The following GRIN2B variants were observed in gnomAD, a reference collection of about 807,000 sequenced individuals.
GRIN2B encodes glutamate ionotropic receptor NMDA type subunit 2B.
In GRIN2B, 5 loss-of-function variants were observed where a neutral mutation model predicts 114.5. The ratio of observed to expected loss-of-function variants is 0.04; its 90% CI spans 0.02 to 0.09. The LOEUF (loss-of-function observed/expected upper bound fraction) is 0.09, where lower values mean the gene tolerates loss of function less well. Among genes scored for constraint, GRIN2B ranks in the 10% least tolerant of loss-of-function variants. GRIN2B has a pLI of 1.00. For missense variants in GRIN2B, 1,108 were observed against 1,943.5 expected (o/e 0.57, Z 8.08); for synonymous variants, 787 against 745.1 (o/e 1.06, Z -0.92).
chr12:13,912,010 C>G (rs986978908), intron 2 of GRIN2B, among the ~76,000 whole-genome samples: 1 of 152,110 alleles, frequency 6.6e-6, no homozygotes, highest in Non-Finnish European at 1.5e-5. Context: ...CTAGTGCGCA[C>G]AAATTAACCA....
chr12:13,871,524 TAC>T (rs1482041980), intron 2 of GRIN2B, among the ~76,000 whole-genome samples: 2 of 151,660 alleles, frequency 1.3e-5, no homozygotes, highest in African/African-American at 4.8e-5. Flanking sequence ...CAGAGAAAAA[TAC>T]ACTTTTAAAT....
intron 10 of GRIN2B, among the ~76,000 whole-genome samples, chr12:13,591,843 T>G (rs530737476): frequency 6.6e-6 from 1 of 152,336 alleles, no homozygotes; most frequent in Non-Finnish European, 1.5e-5. Context: ...TCCTCAATAG[T>G]TCATTTATAA....
At chr12:13,913,295 G>A (rs1866655666) in intron 2 of GRIN2B, among the ~76,000 whole-genome samples, 1 of 152,118 alleles carries the variant, frequency 6.6e-6, no homozygotes, top group South Asian at 2.1e-4. Flanking sequence ...TGCCCTTCCT[G>A]TACTCACCCT....
chr12:13,970,634 A>G (rs571453069), intron 2 of GRIN2B, among the ~76,000 whole-genome samples: 1 of 151,948 alleles, frequency 6.6e-6, no homozygotes, highest in East Asian at 1.9e-4. Flanking sequence ...TCACTTTAAC[A>G]AATTTGATCA....
intron 3 of GRIN2B, among the ~76,000 whole-genome samples, chr12:13,783,013 A>G (rs573261377): frequency 1.3e-5 from 2 of 152,328 alleles, no homozygotes; most frequent in Middle Eastern, 3.4e-3. Flanking sequence ...CTTCCCCCCA[A>G]AAAACCTAGA....
intron 4 of GRIN2B, among the ~76,000 whole-genome samples, chr12:13,739,374 C>CAAAAAAAAA (rs34320563): frequency 1.2e-3 from 69 of 59,350 alleles, no homozygotes; most frequent in Non-Finnish European, 1.3e-3. Flanking sequence ...AACTCCGTCT[C>CAAAAAAAAA]AAAAAAAAAA....
intron 10 of GRIN2B, among the ~76,000 whole-genome samples, chr12:13,592,515 CA>C (rs1390728281): frequency 2.6e-5 from 4 of 152,186 alleles, no homozygotes; most frequent in Non-Finnish European, 5.9e-5. Context: ...TCTTTACCCA[CA>C]ACTGTCTTGG....
chr12:13,758,833 T>C (rs954820282), intron 3 of GRIN2B, among the ~76,000 whole-genome samples: 5 of 152,166 alleles, frequency 3.3e-5, no homozygotes, highest in African/African-American at 1.2e-4. Context: ...TTGCCTTATC[T>C]GACTAAAAAT....
intron 3 of GRIN2B, among the ~76,000 whole-genome samples, chr12:13,849,822 G>A (rs1381931692): frequency 6.6e-6 from 1 of 152,164 alleles, no homozygotes; most frequent in Non-Finnish European, 1.5e-5. Flanking sequence ...CCAGTCATGA[G>A]GGGTGGAAAC....
chr12:13,543,609 C>T lies in GRIN2B; in HGVS notation c.*19174G>A, dbSNP rs1948309487. On this transcript the variant is annotated 3_prime_UTR_variant, in exon 14 of 14. Coordinates refer to ENST00000609686, the MANE Select transcript of GRIN2B (RefSeq NM_000834.5). ...CTTTAAACTCATAATCATAAAAACT[C>T]AAATAATTCCTTTATGCCCCCTAGC... 6.6e-6 allele frequency: 1 copy of T among 152,172 alleles called. No homozygotes were observed. The highest frequency in any genetic ancestry group is 1.5e-5 in the Non-Finnish European group (1 of 68,030). 9.4% of individuals were successfully genotyped at this position (152,172 alleles called of 1,614,324 possible). A position where few individuals can be genotyped will look rare whatever the true frequency, so the allele number is the denominator to read the frequency against.
chr12:13,677,365 G>T (rs1950085069), intron 4 of GRIN2B, among the ~76,000 whole-genome samples: 1 of 152,126 alleles, frequency 6.6e-6, no homozygotes, highest in Admixed American at 6.6e-5. Context: ...CAGGTTGCTA[G>T]GATGCATATT....
chr12:13,761,128 C>CA (rs976391591), intron 3 of GRIN2B, among the ~76,000 whole-genome samples: 1 of 152,150 alleles, frequency 6.6e-6, no homozygotes, highest in African/African-American at 2.4e-5. Flanking sequence ...CCCTTGCACA[C>CA]AAAGGAGAAC....
At chr12:13,962,141 C>A (rs1353339313) in intron 2 of GRIN2B, among the ~76,000 whole-genome samples, 1 of 145,784 alleles carries the variant, frequency 6.9e-6, no homozygotes, top group Non-Finnish European at 1.5e-5. Context: ...GCTGGCTCTT[C>A]CACACAGTGA....
intron 3 of GRIN2B, among the ~76,000 whole-genome samples, chr12:13,800,050 G>T (rs1353943051): frequency 6.6e-6 from 1 of 152,044 alleles, no homozygotes; most frequent in Non-Finnish European, 1.5e-5. Context: ...TCTAATAATG[G>T]GAACACAAAG....
chr12:13,862,887 G>A (rs1865771877), intron 3 of GRIN2B, among the ~76,000 whole-genome samples: 1 of 152,170 alleles, frequency 6.6e-6, no homozygotes, highest in Non-Finnish European at 1.5e-5. Context: ...AGCATCGAAC[G>A]CCTGGGGCTG....
chr12:13,770,319 C>G (rs1375460716), intron 3 of GRIN2B, among the ~76,000 whole-genome samples: 1 of 152,132 alleles, frequency 6.6e-6, no homozygotes, highest in Non-Finnish European at 1.5e-5. Flanking sequence ...ATGATCACTT[C>G]AAAAGAATTT....
intron 5 of GRIN2B, among the ~76,000 whole-genome samples, chr12:13,625,424 G>A (rs34795063): frequency 0.083 from 12,606 of 152,230 alleles, 561 homozygotes; most frequent in Non-Finnish European, 0.099. Context: ...CAGAATGGTG[G>A]CTGGTGGCAG....
intron 10 of GRIN2B, among the ~76,000 whole-genome samples, chr12:13,580,545 A>C (rs1325966667): frequency 6.6e-6 from 1 of 152,208 alleles, no homozygotes; most frequent in Non-Finnish European, 1.5e-5. Flanking sequence ...CCAGGCACCC[A>C]AGAGAAAAAG....
intron 4 of GRIN2B, among the ~76,000 whole-genome samples, chr12:13,734,489 T>C (rs1309761435): frequency 6.6e-6 from 1 of 152,224 alleles, no homozygotes; most frequent in Non-Finnish European, 1.5e-5. Context: ...TAACTGCTTC[T>C]GCCAATGAAT....
Sources: allele counts gnomAD v4.1 joint callset (sites outside exome capture counted in the v4.1 genomes callset), GRCh38; gene constraint gnomAD v4.1.1; transcripts MANE v1.5; gene names NCBI Gene and HGNC (gene_info 2026-07-23, HGNC 2026-07-21).